TSPAN12: variants seen among roughly 807,000 people sequenced by gnomAD.
TSPAN12 encodes tetraspanin-12.
A neutral mutation model predicts 39.2 loss-of-function variants in TSPAN12; 19 were observed. The ratio of observed to expected loss-of-function variants is 0.49; its 90% CI spans 0.34 to 0.71. TSPAN12 has a LOEUF of 0.71. Ranked by LOEUF, TSPAN12 falls within the 30% of genes least tolerant of loss-of-function variation. The probability of loss-of-function intolerance (pLI) is 0.01; values close to 1 mark genes in which losing one functional copy is unlikely to be tolerated. For missense variants in TSPAN12, 314 were observed against 359.9 expected, an observed-to-expected ratio of 0.87 and a Z score of 1.03; for synonymous variants, 119 against 124.8, an observed-to-expected ratio of 0.95 and a Z score of 0.31.
chr7:120,816,046 A>T (rs769161640), intron 4 of TSPAN12, among the ~76,000 whole-genome samples: 19 of 152,160 alleles, frequency 1.2e-4, no homozygotes, highest in Non-Finnish European at 2.1e-4. Flanking sequence ...TATAAATGCC[A>T]CTAGTTTCAT....
At chr7:120,790,046 C>A (rs1477358651) in intron 7 of TSPAN12, among the ~76,000 whole-genome samples, 1 of 152,106 alleles carries the variant, frequency 6.6e-6, no homozygotes. Context: ...TCAGACTCCG[C>A]CTCCTCAAGC....
intron 2 of TSPAN12, 132 bp from the exon 3 acceptor site, chr7:120,840,241 A>G: frequency 1.3e-6 from 1 of 767,818 alleles, no homozygotes; most frequent in Non-Finnish European, 2.3e-6. Flanking sequence ...CTTGAAATTT[A>G]CTATTACTAT....
At chr7:120,828,012 G>A (rs929390001) in intron 4 of TSPAN12, among the ~76,000 whole-genome samples, 5 of 152,062 alleles carry the variant, frequency 3.3e-5, no homozygotes, top group Non-Finnish European at 5.9e-5. Flanking sequence ...CTGAACTAAA[G>A]ACATCTAGAT....
chr7:120,824,204 G>A (rs1794239918), intron 4 of TSPAN12, among the ~76,000 whole-genome samples: 1 of 151,818 alleles, frequency 6.6e-6, no homozygotes, highest in South Asian at 2.1e-4. Context: ...AGGCCAAAGT[G>A]GGCAGATCAC....
At chr7:120,806,389 G>GT (rs1220682040) in intron 7 of TSPAN12, among the ~76,000 whole-genome samples, 160 bp downstream of exon 7, 2 of 151,946 alleles carry the variant, frequency 1.3e-5, no homozygotes, top group Non-Finnish European at 2.9e-5. Context: ...TTTTTATATT[G>GT]TTTTTTAGCT....
At position 120,809,877 on chromosome 7, in the gene TSPAN12, T is replaced by A. The variant is rs190470854; in HGVS notation, c.468+586A>T. ...CCATAGGCTAAATGAAATCGCATCA[T>A]TTAATCTTCTTAACAACCTGAAGAG... On this transcript the variant is annotated intron_variant, in intron 6 of 7. Transcript: ENST00000222747. Among the ~76,000 whole-genome samples the A allele has an allele frequency of 3.1e-3, 474 of 152,300 alleles. 3 individuals carry two copies. The highest frequency in any genetic ancestry group is 0.011 in the African/African-American group (457 of 41,580).
chr7:120,819,894 A>C (rs916315817), intron 4 of TSPAN12, among the ~76,000 whole-genome samples: 2 of 152,146 alleles, frequency 1.3e-5, no homozygotes, highest in Non-Finnish European at 2.9e-5. Flanking sequence ...AGCATCTATA[A>C]AGCATGATGC....
chr7:120,820,503 A>C (rs752284256), intron 4 of TSPAN12, among the ~76,000 whole-genome samples: 5 of 151,714 alleles, frequency 3.3e-5, no homozygotes, highest in Non-Finnish European at 7.4e-5. Context: ...CTTCCTCATC[A>C]CTGTTTTCCA....
chr7:120,810,600 T>C, intron 5 of TSPAN12, 30 bp from the exon 6 acceptor site: 1 of 1,212,542 alleles, frequency 8.2e-7, no homozygotes, highest in Non-Finnish European at 1.2e-6. Flanking sequence ...TATCAACAGC[T>C]GTAGCTCACA....
chr7:120,818,762 T>G (rs1172124771), intron 4 of TSPAN12, among the ~76,000 whole-genome samples: 1 of 152,066 alleles, frequency 6.6e-6, no homozygotes, highest in Admixed American at 6.6e-5. Context: ...TACTTTTATT[T>G]TTGGCATACA....
In TSPAN12 at chr7:120,796,739, T is replaced by C. The variant is rs114082043; in HGVS notation, c.613-7842A>G. On this transcript the variant is annotated intron_variant, in intron 7 of 7. Coordinates refer to ENST00000222747, the MANE Select transcript of TSPAN12 (RefSeq NM_012338.4). ...TGCATCATTTCCTTGTGTGGTCTTATTTCCCTCCATACCTTCATTGCCTCA... is the reference window on the plus strand; with the variant it reads ...TGCATCATTTCCTTGTGTGGTCTTACTTCCCTCCATACCTTCATTGCCTCA... Among the ~76,000 whole-genome samples the C allele has an allele frequency of 9.1e-3, 1,389 of 152,288 alleles. 22 individuals are homozygous for C. The highest frequency in any genetic ancestry group is 0.032 in the African/African-American group (1,328 of 41,554).
intron 2 of TSPAN12, among the ~76,000 whole-genome samples, chr7:120,848,194 T>C (rs1794708371): frequency 1.3e-5 from 2 of 152,208 alleles, no homozygotes; most frequent in South Asian, 4.1e-4. Context: ...AGTGTAAAGA[T>C]TCTCTCCCAA....
chr7:120,791,051 G>A (rs977294006), intron 7 of TSPAN12, among the ~76,000 whole-genome samples: 1 of 152,116 alleles, frequency 6.6e-6, no homozygotes, highest in African/African-American at 2.4e-5. Context: ...CAAACTGGCT[G>A]GGTGTGGGGG....
chr7:120,856,920 C>T, intron 1 of TSPAN12, 87 bp from the exon 2 acceptor site: 1 of 780,704 alleles, frequency 1.3e-6, no homozygotes, highest in Non-Finnish European at 2.2e-6. Flanking sequence ...CCGCCCTCAG[C>T]AGGGTCCAGA....
intron 7 of TSPAN12, among the ~76,000 whole-genome samples, chr7:120,802,313 C>T (rs1224856766): frequency 6.6e-6 from 1 of 152,184 alleles, no homozygotes; most frequent in Non-Finnish European, 1.5e-5. Context: ...CTTGCAGTTT[C>T]CTCGGCCCAA....
At chr7:120,822,132 G>A (rs1794198481) in intron 4 of TSPAN12, among the ~76,000 whole-genome samples, 1 of 152,008 alleles carries the variant, frequency 6.6e-6, no homozygotes, top group African/African-American at 2.4e-5. Flanking sequence ...GAAAGGAAGG[G>A]CTTGACACCC....
intron 5 of TSPAN12, chr7:120,814,396 T>G (rs1165053970): frequency 1.0e-5 from 4 of 391,252 alleles, no homozygotes; most frequent in Non-Finnish European, 2.0e-5. Context: ...ATTGAGCACA[T>G]CTGGGCTGGA....
chr7:120,826,957 A>G (rs535621751), intron 4 of TSPAN12, among the ~76,000 whole-genome samples: 1 of 152,262 alleles, frequency 6.6e-6, no homozygotes, highest in South Asian at 2.1e-4. Flanking sequence ...TCTTGACCAC[A>G]AGTGATCCAC....
intron 5 of TSPAN12, 80 bp downstream of exon 5, chr7:120,815,649 G>T: frequency 1.6e-6 from 2 of 1,280,454 alleles, no homozygotes; most frequent in Non-Finnish European, 1.1e-6. Flanking sequence ...ATAGCGGAGT[G>T]AAAATGAACT....
Sources: gnomAD v4.1 joint callset for allele counts (sites outside exome capture counted in the v4.1 genomes callset) on GRCh38, gnomAD v4.1.1 for gene constraint, MANE v1.5 for transcripts, NCBI Gene and HGNC (gene_info 2026-07-23, HGNC 2026-07-21) for gene names.